The following KLHL1 variants were observed in gnomAD, a reference collection of about 807,000 sequenced individuals.
KLHL1 encodes the protein kelch-like protein 1.
In KLHL1, 47 loss-of-function variants were observed where a neutral mutation model predicts 77.7. The ratio of observed to expected loss-of-function variants is 0.60; its 90% CI spans 0.48 to 0.77. The LOEUF (loss-of-function observed/expected upper bound fraction) is 0.77, where lower values mean the gene tolerates loss of function less well. Among genes scored for constraint, KLHL1 ranks in the 30% least tolerant of loss-of-function variants. KLHL1 has a pLI of 0.00. For synonymous variants in KLHL1, 360 were observed against 325.2 expected (o/e 1.11, Z -1.15); for missense variants, 925 against 910.8 (o/e 1.02, Z -0.20).
chr13:70,039,933 T>A (rs987771456), intron 1 of KLHL1, among the ~76,000 whole-genome samples: 16 of 152,224 alleles, frequency 1.1e-4, no homozygotes, highest in Admixed American at 7.2e-4. Context: ...TTTAAAAAAA[T>A]ATATATTTTT....
chr13:69,819,664 A>G (rs548098289), intron 6 of KLHL1, among the ~76,000 whole-genome samples: 2 of 151,842 alleles, frequency 1.3e-5, no homozygotes, highest in South Asian at 2.1e-4. Flanking sequence ...ATTCTCCTTC[A>G]CTTGTCCACT....
At chr13:69,831,594 T>C (rs986463388) in intron 6 of KLHL1, among the ~76,000 whole-genome samples, 1 of 149,958 alleles carries the variant, frequency 6.7e-6, no homozygotes, top group Non-Finnish European at 1.5e-5. Flanking sequence ...CTGTAAATCA[T>C]TCTATGAAAC....
At chr13:70,046,086 T>C (rs1489382445) in intron 1 of KLHL1, among the ~76,000 whole-genome samples, 2 of 152,160 alleles carry the variant, frequency 1.3e-5, no homozygotes, top group African/African-American at 4.8e-5. Flanking sequence ...CCAGGTCAAA[T>C]TGGCTATGGA....
At chr13:70,095,724 TA>T (rs989863265) in intron 1 of KLHL1, among the ~76,000 whole-genome samples, 4 of 152,106 alleles carry the variant, frequency 2.6e-5, no homozygotes, top group African/African-American at 9.7e-5. Flanking sequence ...GAGAGGACAA[TA>T]AATTATTGTT....
intron 10 of KLHL1, among the ~76,000 whole-genome samples, 175 bp from the exon 11 acceptor site, chr13:69,701,936 T>C (rs985557655): frequency 5.3e-5 from 8 of 151,752 alleles, no homozygotes; most frequent in South Asian, 4.1e-4. Flanking sequence ...AAAAAAGCCA[T>C]GATTTGTATA....
In KLHL1 at chr13:69,734,500, G is replaced by A. The variant is rs201336365; in HGVS notation, c.1802+5894C>T. 1.2e-4 allele frequency among the ~76,000 whole-genome samples: 7 copies of A among 56,846 alleles called. No individual in the cohort carries two copies. In the South Asian group the frequency reaches 3.2e-3, roughly 26 times the overall value. The allele number at this position is 56,846 out of a possible 152,430, so 37.3% of individuals were successfully genotyped here. ...TTTGTTAAATTCTGAATTTAAAGAC[G>A]AGTAAGTAGAACTAAGTCAAACGAA... On this transcript the variant is annotated intron_variant, in intron 8 of 10. Transcript: ENST00000377844.
chr13:69,872,892 T>C (rs1880636680), intron 5 of KLHL1, among the ~76,000 whole-genome samples: 1 of 152,092 alleles, frequency 6.6e-6, no homozygotes, highest in South Asian at 2.1e-4. Context: ...CACAAACATC[T>C]TTCATTAGGC....
At chr13:69,783,577 T>C (rs1414960468) in intron 7 of KLHL1, among the ~76,000 whole-genome samples, 1 of 151,402 alleles carries the variant, frequency 6.6e-6, no homozygotes, top group Non-Finnish European at 1.5e-5. Flanking sequence ...AGGGTATCAG[T>C]GATGGAAGAT....
intron 1 of KLHL1, among the ~76,000 whole-genome samples, chr13:70,060,679 G>T (rs1436483305): frequency 6.6e-6 from 1 of 151,740 alleles, no homozygotes; most frequent in Non-Finnish European, 1.5e-5. Context: ...CCCCCGTCTT[G>T]ACCACAGATA....
At chr13:69,857,966 A>G (rs1310955539) in intron 5 of KLHL1, among the ~76,000 whole-genome samples, 3 of 152,072 alleles carry the variant, frequency 2.0e-5, no homozygotes, top group Non-Finnish European at 4.4e-5. Flanking sequence ...CAAGGAAAAT[A>G]AAGGAAACAT....
chr13:69,904,264 T>A (rs1881976870), intron 4 of KLHL1, among the ~76,000 whole-genome samples: 1 of 152,154 alleles, frequency 6.6e-6, no homozygotes. Flanking sequence ...ATTTTATGAG[T>A]CTCAACCAGT....
intron 9 of KLHL1, among the ~76,000 whole-genome samples, chr13:69,714,962 T>A (rs1293597688): frequency 1.3e-5 from 2 of 152,138 alleles, no homozygotes; most frequent in Non-Finnish European, 2.9e-5. Flanking sequence ...TTCCACAGAA[T>A]CCTTCTTCCT....
At chr13:69,885,158 T>C (rs1881166986) in intron 4 of KLHL1, among the ~76,000 whole-genome samples, 1 of 149,150 alleles carries the variant, frequency 6.7e-6, no homozygotes, top group Admixed American at 6.6e-5. Context: ...GCCAGGATGG[T>C]CTCGATCTCC....
chr13:69,884,015 TC>T (rs1191265882), intron 4 of KLHL1, among the ~76,000 whole-genome samples: 1 of 152,122 alleles, frequency 6.6e-6, no homozygotes, highest in Non-Finnish European at 1.5e-5. Flanking sequence ...CTAAGACTCT[TC>T]CAAAGAAGCA....
At chr13:69,725,112 C>T (rs954081825) in intron 8 of KLHL1, among the ~76,000 whole-genome samples, 3 of 152,100 alleles carry the variant, frequency 2.0e-5, no homozygotes, top group African/African-American at 7.2e-5. Flanking sequence ...TGAAGGGAGA[C>T]ATTATCTTTA....
chr13:69,763,145 G>A (rs759201706), intron 7 of KLHL1, among the ~76,000 whole-genome samples: 2 of 152,102 alleles, frequency 1.3e-5, no homozygotes, highest in Non-Finnish European at 2.9e-5. Context: ...CAAAGGCCAC[G>A]GTTGCACAAC....
intron 6 of KLHL1, among the ~76,000 whole-genome samples, chr13:69,838,508 A>G (rs946043407): frequency 1.3e-5 from 2 of 151,814 alleles, no homozygotes; most frequent in Admixed American, 6.6e-5. Context: ...AAATTAGTAA[A>G]CACAATTAAA....
At chr13:69,822,906 T>C (rs1049651152) in intron 6 of KLHL1, among the ~76,000 whole-genome samples, 7 of 152,248 alleles carry the variant, frequency 4.6e-5, no homozygotes, top group Admixed American at 2.6e-4. Flanking sequence ...GTTTAAAATA[T>C]ACATGTGCAA....
In KLHL1 at chr13:69,960,110, CT is replaced by C. The variant is rs58284665; in HGVS notation, c.817+1197del. 4.7e-4 allele frequency among the ~76,000 whole-genome samples: 59 copies of C among 124,224 alleles called. 1 individual carries two copies. The highest frequency in any genetic ancestry group is 1.4e-3 in the East Asian group (6 of 4,272). 81.5% of individuals were successfully genotyped at this position (124,224 alleles called of 152,430 possible). A position where few individuals can be genotyped will look rare whatever the true frequency, so the allele number is the denominator to read the frequency against. ...AGATTAAGCAGTCAGAGCATGTGTA[CT>C]TTTTTTTTTTTTTTTTTCAGGAAGC... On this transcript the variant is annotated intron_variant, in intron 3 of 10. Transcript: ENST00000377844.
Sources: gnomAD v4.1 joint callset for allele counts (sites outside exome capture counted in the v4.1 genomes callset) on GRCh38, gnomAD v4.1.1 for gene constraint, MANE v1.5 for transcripts, NCBI Gene and HGNC (gene_info 2026-07-23, HGNC 2026-07-21) for gene names.